Variants in BANP observed in about 807,000 individuals in gnomAD.
BANP encodes protein BANP.
A neutral mutation model predicts 68.1 loss-of-function variants in BANP; 11 were observed. The ratio of observed to expected loss-of-function variants is 0.16; its 90% confidence interval spans 0.10 to 0.27. The LOEUF (loss-of-function observed/expected upper bound fraction) is 0.27. Ranked by LOEUF, BANP falls within the 10% of genes least tolerant of loss-of-function variation. BANP has a pLI of 1.00. For synonymous variants in BANP, 329 were observed against 303.2 expected, an observed-to-expected ratio of 1.09 and a Z score of -0.88; for missense variants, 504 against 722.7, an observed-to-expected ratio of 0.70 and a Z score of 3.47.
rs561626806 is a variant in BANP, at chr16:88,065,279, A to G, written c.1324A>G (p.Thr442Ala). 25 of 765,704 alleles carry G rather than the reference A, an allele frequency of 3.3e-5. No homozygotes were observed. The highest frequency in any genetic ancestry group is 2.4e-4 in the East Asian group (10 of 41,130). The allele number at this position is 765,704 out of a possible 1,614,324, so 47.4% of individuals were successfully genotyped here. A position where few individuals can be genotyped will look rare whatever the true frequency, so the allele number is the denominator to read the frequency against. The change falls in exon 12 of 14, where the codon ACC becomes GCC. Residue 442 changes from threonine to alanine, a missense_variant. Physicochemically the swap from Thr to Ala is moderately conservative, Grantham distance 58. Around this residue, in one of 3 missense-constraint regions of BANP, gnomAD observed 223 missense variants for 246.2 expected, o/e 0.91. Coordinates refer to ENST00000682872, the MANE Select transcript of BANP (RefSeq NM_001386991.1). Reference sequence around the variant, plus strand: ...TTGCCTTTTCCAGCTTCTAGAGGCCACCCGCATCCCCTGCCTCCTGGCCCC... The same window carrying G: ...TTGCCTTTTCCAGCTTCTAGAGGCCGCCCGCATCCCCTGCCTCCTGGCCCC... ...VGQDGQLLEA[T>A]RIPCLLAPSV...
At chr16:88,035,258 A>T (rs1206230264) in intron 9 of BANP, 65 bp from the exon 10 acceptor site, 4 of 1,357,740 alleles carry the variant, frequency 2.9e-6, no homozygotes, top group Non-Finnish European at 4.1e-6. Context: ...ATTCCGGAAG[A>T]TGTTTCTTGT....
In BANP at chr16:88,003,462, C is replaced by G; in HGVS notation, c.363-833C>G. 2.2e-6 allele frequency: 1 copy of G among 456,252 alleles called. No individual in the cohort carries two copies. Among genetic ancestry groups the G allele is most frequent in the Non-Finnish European group, 4.4e-6 (1 of 226,954 alleles). The allele number at this position is 456,252 out of a possible 1,614,324, so 28.3% of individuals were successfully genotyped here. ...TGATAATCACGTTGTGTTTCTAGTGCTAGTTCTTTCTCTCCCCAGCCTTCC... is the reference window on the plus strand; with the variant it reads ...TGATAATCACGTTGTGTTTCTAGTGGTAGTTCTTTCTCTCCCCAGCCTTCC... On this transcript the variant is annotated intron_variant, in intron 4 of 13. Coordinates refer to ENST00000682872, the MANE Select transcript of BANP (RefSeq NM_001386991.1). The surrounding 1 kb of genome is among the most constrained non-coding windows in gnomAD (Gnocchi z 6.1).
chr16:87,975,173 C>A lies in BANP; in HGVS notation c.58C>A (p.Pro20Thr). The change falls in exon 2 of 14, where the codon CCT (proline) becomes ACT (threonine). Residue 20 changes from proline to threonine, a missense_variant. By Grantham distance (38) the Pro-to-Thr change is conservative (BLOSUM62 -1). This residue lies in a region of BANP where 238 missense variants were observed against 278.9 expected (regional missense o/e 0.85). Coordinates refer to ENST00000682872, the MANE Select transcript of BANP (RefSeq NM_001386991.1). ...VVQIAVEDLS[P>T]DHPVVLENHV... Reference sequence around the variant, plus strand: ...TCAGATTGCAGTGGAAGACCTGAGCCCTGACCACCCAGGTACAGAGCTGTG... The same window carrying A: ...TCAGATTGCAGTGGAAGACCTGAGCACTGACCACCCAGGTACAGAGCTGTG... 6.2e-7 allele frequency: 1 copy of A among 1,614,102 alleles called. No homozygotes were observed. Among genetic ancestry groups the A allele is most frequent in the Non-Finnish European group, 8.5e-7 (1 of 1,179,970 alleles).
chr16:87,985,506 A>G (rs1304059111), intron 4 of BANP, among the ~76,000 whole-genome samples: 1 of 151,826 alleles, frequency 6.6e-6, no homozygotes, highest in Non-Finnish European at 1.5e-5. Context: ...TTTTTTTAGG[A>G]TAGTTTTTTG....
At chr16:88,008,550 C>A (rs1450476260) in intron 6 of BANP, among the ~76,000 whole-genome samples, 3 of 152,052 alleles carry the variant, frequency 2.0e-5, no homozygotes, top group Non-Finnish European at 4.4e-5. Flanking sequence ...CTTGGTAATT[C>A]TGGGGAGTCC....
At chr16:87,998,578 GGAC>G (rs2067961373) in intron 4 of BANP, among the ~76,000 whole-genome samples, 2 of 93,112 alleles carry the variant, frequency 2.1e-5, no homozygotes, top group Admixed American at 9.6e-5. Flanking sequence ...GTGCGCGGCT[GGAC>G]TCACCTGTCC....
At chr16:87,981,273 C>T in intron 3 of BANP, 146 bp downstream of exon 3, 1 of 664,798 alleles carries the variant, frequency 1.5e-6, no homozygotes. Flanking sequence ...CAGGCAGGGT[C>T]TCGCTCCCTC....
At chr16:87,961,409 AC>A (rs908188118) in intron 1 of BANP, among the ~76,000 whole-genome samples, 7 of 130,394 alleles carry the variant, frequency 5.4e-5, no homozygotes, top group African/African-American at 1.0e-4. Flanking sequence ...CAGAATCTGC[AC>A]CCCCCCGGGC....
chr16:88,055,951 T>A (rs959137654), intron 11 of BANP, among the ~76,000 whole-genome samples: 3 of 151,546 alleles, frequency 2.0e-5, no homozygotes, highest in African/African-American at 7.3e-5. Context: ...TGAAGTGGAG[T>A]GAGTTTGGTG....
chr16:88,071,090 G>A lies in BANP; in HGVS notation c.1378-979G>A, dbSNP rs1430161882. 7.5e-6 allele frequency: 2 copies of A among 267,838 alleles called. No homozygotes were observed. Among genetic ancestry groups the A allele is most frequent in the African/African-American group, 2.3e-5 (1 of 44,010 alleles). 16.6% of individuals were successfully genotyped at this position (267,838 alleles called of 1,614,324 possible). On this transcript the variant is annotated intron_variant, in intron 12 of 13. Coordinates refer to ENST00000682872, the MANE Select transcript of BANP (RefSeq NM_001386991.1). The surrounding 1 kb of genome is among the most constrained non-coding windows in gnomAD (Gnocchi z 6.5). ...GTTGTCCAGGGCAGGTCCCACGGAGGGGATGCTGCGGCCAGGCTCCGTGGG... is the reference window on the plus strand; with the variant it reads ...GTTGTCCAGGGCAGGTCCCACGGAGAGGATGCTGCGGCCAGGCTCCGTGGG...
chr16:87,998,707 C>CACCCA, intron 4 of BANP, among the ~76,000 whole-genome samples: 1 of 150,270 alleles, frequency 6.7e-6, no homozygotes, highest in East Asian at 2.0e-4. Context: ...TCCTTCCAGA[C>CACCCA]GTGTCTCCAT....
At position 88,026,403 on chromosome 16, in the gene BANP, C is replaced by A. The variant is rs183745939; in HGVS notation, c.896-1080C>A. On this transcript the variant is annotated intron_variant, in intron 7 of 13. Coordinates refer to ENST00000682872, the MANE Select transcript of BANP (RefSeq NM_001386991.1). Reference sequence around the variant, plus strand: ...TGAGCAGCGATGGGAGGGTGTCTTGCAGTCCGTTGTCATCACTATTTACAC... The same window carrying A: ...TGAGCAGCGATGGGAGGGTGTCTTGAAGTCCGTTGTCATCACTATTTACAC... Among the ~76,000 whole-genome samples, 651 of 152,338 alleles carry A rather than the reference C, an allele frequency of 4.3e-3. 6 individuals carry two copies. Among genetic ancestry groups the A allele is most frequent in the Non-Finnish European group, 7.3e-3 (500 of 68,036 alleles).
At chr16:88,023,377 T>C (rs1215431319) in intron 7 of BANP, among the ~76,000 whole-genome samples, 1 of 152,220 alleles carries the variant, frequency 6.6e-6, no homozygotes, top group Non-Finnish European at 1.5e-5. Flanking sequence ...CGGCTTGGCC[T>C]GGAGGCTGGA....
At chr16:88,016,553 T>C (rs1216947255) in intron 6 of BANP, among the ~76,000 whole-genome samples, 2 of 152,222 alleles carry the variant, frequency 1.3e-5, no homozygotes, top group African/African-American at 4.8e-5. Flanking sequence ...GAGCAAGAGC[T>C]TAGATGCGGA....
intron 11 of BANP, among the ~76,000 whole-genome samples, chr16:88,051,507 G>A (rs181135754): frequency 6.6e-6 from 1 of 152,238 alleles, no homozygotes; most frequent in East Asian, 1.9e-4. Flanking sequence ...CATGGGAAGT[G>A]CGGCCATTCC....
At chr16:88,020,686 C>T (rs7498444) in intron 7 of BANP, among the ~76,000 whole-genome samples, 3,118 of 152,240 alleles carry the variant, frequency 0.02, 89 homozygotes, top group African/African-American at 0.067. Flanking sequence ...CAGTGGCATT[C>T]GGGGCTGGGC....
At chr16:88,059,599 C>T (rs548443089) in intron 11 of BANP, among the ~76,000 whole-genome samples, 32 of 152,260 alleles carry the variant, frequency 2.1e-4, no homozygotes, top group African/African-American at 7.7e-4. Context: ...GCCATCACCT[C>T]GTCTCGGCCC....
At chr16:87,999,895 T>C (rs1800929940) in intron 4 of BANP, among the ~76,000 whole-genome samples, 3 of 71,324 alleles carry the variant, frequency 4.2e-5, no homozygotes, top group Admixed American at 1.4e-4. Flanking sequence ...TACCTGTCCT[T>C]CCAGACACCC....
At chr16:87,986,594 T>A (rs1450494816) in intron 4 of BANP, among the ~76,000 whole-genome samples, 1 of 152,178 alleles carries the variant, frequency 6.6e-6, no homozygotes, top group Non-Finnish European at 1.5e-5. Flanking sequence ...GACCTGGAGC[T>A]CCTCTGGGGC....
Sources: allele counts gnomAD v4.1 joint callset (sites outside exome capture counted in the v4.1 genomes callset), GRCh38; gene constraint gnomAD v4.1.1; regional missense constraint gnomAD v4.1.1; non-coding constraint Gnocchi (gnomAD v3.1); transcripts MANE v1.5; gene names NCBI Gene and HGNC (gene_info 2026-07-23, HGNC 2026-07-21).